The following SHLD1 variants were observed in gnomAD, a reference collection of about 807,000 sequenced individuals.
SHLD1 encodes the protein shieldin complex subunit 1, also known as RINN1-REV7-interacting novel NHEJ regulator 3.
A neutral mutation model predicts 5.5 loss-of-function variants in SHLD1; 3 were observed. The ratio of observed to expected loss-of-function variants is 0.54; its 90% confidence interval spans 0.25 to 1.40. The LOEUF is 1.40. Ranked by LOEUF, SHLD1 falls within the 40% of genes most tolerant of loss-of-function variation. The pLI, the probability that SHLD1 is intolerant of heterozygous loss-of-function variation, is 0.15. For synonymous variants in SHLD1, 92 were observed against 94.3 expected (o/e 0.98, Z 0.14); for missense variants, 210 against 244.4 (o/e 0.86, Z 0.94).
At chr20:5,761,051 G>C (rs1174573855) in intron 1 of SHLD1, among the ~76,000 whole-genome samples, 1 of 152,076 alleles carries the variant, frequency 6.6e-6, no homozygotes, top group African/African-American at 2.4e-5. Flanking sequence ...GAACGTACTG[G>C]ATAAGGATGA....
chr20:5,759,095 C>T (rs1208819737), intron 1 of SHLD1, among the ~76,000 whole-genome samples: 1 of 150,408 alleles, frequency 6.6e-6, no homozygotes. Context: ...GCTAGGATTA[C>T]AGGCACCCGC....
intron 2 of SHLD1, among the ~76,000 whole-genome samples, chr20:5,773,896 T>C (rs73594821): frequency 0.011 from 1,736 of 152,172 alleles, 26 homozygotes; most frequent in African/African-American, 0.04. Context: ...TCAATGTTGT[T>C]GTCGTTAATA....
At chr20:5,810,707 C>T (rs2087446970) in intron 2 of SHLD1, among the ~76,000 whole-genome samples, 1 of 150,720 alleles carries the variant, frequency 6.6e-6, no homozygotes, top group Non-Finnish European at 1.5e-5. Flanking sequence ...CCAGACTGGC[C>T]AACGTGGTGA....
chr20:5,795,109 C>T (rs948492533), intron 2 of SHLD1, among the ~76,000 whole-genome samples: 1 of 151,698 alleles, frequency 6.6e-6, no homozygotes, highest in Non-Finnish European at 1.5e-5. Flanking sequence ...CGTGGTGGCA[C>T]ACACCTGTAA....
At chr20:5,755,055 C>CAA (rs61439374) in intron 1 of SHLD1, among the ~76,000 whole-genome samples, 1 of 134,336 alleles carries the variant, frequency 7.4e-6, no homozygotes, top group African/African-American at 2.7e-5. Context: ...GACCCTGTCT[C>CAA]AAAAAAAAAA....
At chr20:5,835,112 G>A (rs952297774) in intron 2 of SHLD1, among the ~76,000 whole-genome samples, 1 of 152,096 alleles carries the variant, frequency 6.6e-6, no homozygotes, top group Non-Finnish European at 1.5e-5. Context: ...AACCATCCCT[G>A]AGAACATAGG....
chr20:5,752,986 G>T (rs191873337), intron 1 of SHLD1, among the ~76,000 whole-genome samples: 1 of 151,966 alleles, frequency 6.6e-6, no homozygotes, highest in Non-Finnish European at 1.5e-5. Flanking sequence ...AGTAGAGATG[G>T]GGGGGTTTCA....
rs2087982602 is a variant in SHLD1, at chr20:5,849,927, CCG to C, written c.179-13095_179-13094del. Among the ~76,000 whole-genome samples, 9 of 143,618 alleles carry C rather than the reference CCG, an allele frequency of 6.3e-5. No homozygotes were observed. The South Asian group carries it at 1.5e-3, about 25-fold the overall frequency. 94.2% of individuals were successfully genotyped at this position (143,618 alleles called of 152,430 possible). ...TGAGCCGAGATTCCGCCACTGCAGTCCGCAGTCCGGCCTGGGCGACAGAGCGA... is the reference window on the plus strand; with the variant it reads ...TGAGCCGAGATTCCGCCACTGCAGTCCAGTCCGGCCTGGGCGACAGAGCGA... On this transcript the variant is annotated intron_variant, in intron 2 of 2. Coordinates refer to ENST00000303142, the MANE Select transcript of SHLD1 (RefSeq NM_152504.4).
chr20:5,768,951 G>T (rs1440714720), intron 1 of SHLD1, among the ~76,000 whole-genome samples: 1 of 149,742 alleles, frequency 6.7e-6, no homozygotes, highest in Non-Finnish European at 1.5e-5. Context: ...TCTCGTTTGG[G>T]CTGGAGTGCA....
chr20:5,828,376 C>T (rs907638259), intron 2 of SHLD1, among the ~76,000 whole-genome samples: 9 of 152,128 alleles, frequency 5.9e-5, no homozygotes, highest in African/African-American at 1.9e-4. Context: ...GGTCATAATA[C>T]ATTATAACAT....
At chr20:5,760,299 G>T (rs867635775) in intron 1 of SHLD1, among the ~76,000 whole-genome samples, 4 of 152,038 alleles carry the variant, frequency 2.6e-5, no homozygotes, top group Non-Finnish European at 4.4e-5. Flanking sequence ...GCAAGGAGAG[G>T]TGAAGTGGAG....
chr20:5,812,385 A>T (rs2087471527), intron 2 of SHLD1, among the ~76,000 whole-genome samples: 1 of 152,198 alleles, frequency 6.6e-6, no homozygotes, highest in African/African-American at 2.4e-5. Flanking sequence ...TACTGTGCTC[A>T]GTGCTTAACA....
intron 2 of SHLD1, among the ~76,000 whole-genome samples, chr20:5,831,716 G>A (rs1188038716): frequency 6.6e-6 from 1 of 151,932 alleles, no homozygotes; most frequent in Non-Finnish European, 1.5e-5. Flanking sequence ...TTCAGTTGCC[G>A]AATCCCTTTG....
At chr20:5,778,618 A>T (rs115736382) in intron 2 of SHLD1, among the ~76,000 whole-genome samples, 2,450 of 151,730 alleles carry the variant, frequency 0.016, 56 homozygotes, top group African/African-American at 0.054. Flanking sequence ...AAAAAAAAAA[A>T]AAATAAGGAC....
chr20:5,790,149 T>C (rs2087118015), intron 2 of SHLD1, among the ~76,000 whole-genome samples: 1 of 152,098 alleles, frequency 6.6e-6, no homozygotes, highest in African/African-American at 2.4e-5. Context: ...CTACATTCAC[T>C]GGGGAGCTGG....
intron 2 of SHLD1, among the ~76,000 whole-genome samples, chr20:5,794,300 C>T (rs902108103): frequency 1.3e-5 from 2 of 152,192 alleles, no homozygotes; most frequent in Non-Finnish European, 2.9e-5. Context: ...GCTGTCATTA[C>T]CACCACTGCT....
At chr20:5,813,867 CA>C (rs2087492169) in intron 2 of SHLD1, among the ~76,000 whole-genome samples, 1 of 148,470 alleles carries the variant, frequency 6.7e-6, no homozygotes. Flanking sequence ...AAAAATGAAA[CA>C]AACAAAAAAC....
At chr20:5,856,312 T>C (rs2088083297) in intron 2 of SHLD1, among the ~76,000 whole-genome samples, 1 of 152,234 alleles carries the variant, frequency 6.6e-6, no homozygotes, top group Admixed American at 6.5e-5. Flanking sequence ...GCCAGATTTA[T>C]GAAGGAGGCA....
In SHLD1 at chr20:5,764,154, ATATT is replaced by A. The variant is rs1321159873; in HGVS notation, c.-4-8704_-4-8701del. Among the ~76,000 whole-genome samples, 252 of 46,108 alleles carry A rather than the reference ATATT, an allele frequency of 5.5e-3. 3 individuals are homozygous for A. The highest frequency in any genetic ancestry group is 0.021 in the African/African-American group (238 of 11,374). 30.2% of individuals were successfully genotyped at this position (46,108 alleles called of 152,430 possible). ...AAAAAAAAAAAATATATATATATTT[ATATT>A]TATATATATATATATATTTTTATAT... is the stretch of plus-strand genomic sequence containing the variant. On this transcript the variant is annotated intron_variant, in intron 1 of 2. Coordinates refer to ENST00000303142, the MANE Select transcript of SHLD1 (RefSeq NM_152504.4).
Sources: gnomAD v4.1 joint callset for allele counts (sites outside exome capture counted in the v4.1 genomes callset) on GRCh38, gnomAD v4.1.1 for gene constraint, MANE v1.5 for transcripts, NCBI Gene and HGNC (gene_info 2026-07-23, HGNC 2026-07-21) for gene names.